The following GCA variants were observed in gnomAD, a reference collection of about 807,000 sequenced individuals.
GCA encodes grancalcin, EF-hand calcium-binding protein.
A neutral mutation model predicts 32.6 loss-of-function variants in GCA; 30 were observed. That is an observed-to-expected ratio of 0.92 (90% CI 0.69 to 1.25). The LOEUF (loss-of-function observed/expected upper bound fraction) is 1.25, where lower values mean the gene tolerates loss of function less well. Ranked by LOEUF, GCA falls within the 50% of genes most tolerant of loss-of-function variation. The pLI is 0.00. For synonymous variants in GCA, 102 were observed against 84.6 expected, an observed-to-expected ratio of 1.21 and a Z score of -1.13; for missense variants, 291 against 266.8, an observed-to-expected ratio of 1.09 and a Z score of -0.63.
rs1685289246 is a variant in GCA at position 162,356,697 on chromosome 2, A to C, written c.307-61A>C. On this transcript the variant is annotated intron_variant, in intron 4 of 7. Transcript: ENST00000437150. ...ACAGAAGCATACTCATGTTTTAGTC[A>C]ATGATTTAGAGTCAGATAAACTCAG... The C allele has an allele frequency of 2.3e-6, 3 of 1,293,048 alleles. No homozygotes were observed. In the South Asian group the frequency reaches 3.8e-5, roughly 16 times the overall value. The allele number at this position is 1,293,048 out of a possible 1,614,324, so 80.1% of individuals were successfully genotyped here.
At chr2:162,335,428 A>AAG (rs1463986830) in intron 1 of GCA, among the ~76,000 whole-genome samples, 1 of 151,816 alleles carries the variant, frequency 6.6e-6, no homozygotes, top group East Asian at 1.9e-4. Context: ...AAAAAAAAAA[A>AAG]AAAAAGGACC....
intron 2 of GCA, among the ~76,000 whole-genome samples, chr2:162,348,893 T>G (rs13383182): frequency 6.6e-6 from 1 of 152,084 alleles, no homozygotes. Flanking sequence ...ATATTCAAGA[T>G]CGGAAGGAAT....
At chr2:162,329,545 T>C (rs557828078) in intron 1 of GCA, among the ~76,000 whole-genome samples, 1 of 151,952 alleles carries the variant, frequency 6.6e-6, no homozygotes, top group East Asian at 1.9e-4. Flanking sequence ...TTGTATTTTA[T>C]GATAAATTAT....
chr2:162,357,904 T>C (rs1685365039), intron 5 of GCA, among the ~76,000 whole-genome samples: 1 of 151,672 alleles, frequency 6.6e-6, no homozygotes, highest in Non-Finnish European at 1.5e-5. Flanking sequence ...ATTCAAATTA[T>C]TTTTCTGAGA....
chr2:162,338,768 G>A (rs1485199192), intron 1 of GCA, among the ~76,000 whole-genome samples: 1 of 152,066 alleles, frequency 6.6e-6, no homozygotes, highest in African/African-American at 2.4e-5. Context: ...TACTGTTGCT[G>A]TTCTTATTCA....
intron 1 of GCA, among the ~76,000 whole-genome samples, chr2:162,345,134 G>GGTGGTGGTT (rs1404529265): frequency 6.7e-6 from 1 of 149,350 alleles, no homozygotes; most frequent in Admixed American, 6.7e-5. Context: ...TGGTGGTGGT[G>GGTGGTGGTT]GTTGTGGTTG....
intron 1 of GCA, among the ~76,000 whole-genome samples, chr2:162,330,731 A>G (rs1044195783): frequency 2.0e-5 from 3 of 152,208 alleles, no homozygotes; most frequent in Non-Finnish European, 4.4e-5. Flanking sequence ...AGAGGTGAGA[A>G]CTAGGGATTA....
intron 4 of GCA, 108 bp downstream of exon 4, chr2:162,356,589 A>G: frequency 1.1e-6 from 1 of 878,824 alleles, no homozygotes; most frequent in South Asian, 1.5e-5. Flanking sequence ...GAATTTAAAA[A>G]TACTTTGTAA....
intron 1 of GCA, among the ~76,000 whole-genome samples, chr2:162,339,111 T>C (rs1684362979): frequency 6.6e-6 from 1 of 152,176 alleles, no homozygotes; most frequent in Non-Finnish European, 1.5e-5. Flanking sequence ...TGGTAAATAA[T>C]ATTTATTTTT....
chr2:162,334,608 T>C (rs1327050773), intron 1 of GCA, among the ~76,000 whole-genome samples: 1 of 152,220 alleles, frequency 6.6e-6, no homozygotes, highest in African/African-American at 2.4e-5. Context: ...TGTGATTCTA[T>C]GGCATCCTGA....
chr2:162,338,244 C>A (rs1684335257), intron 1 of GCA, among the ~76,000 whole-genome samples: 1 of 152,018 alleles, frequency 6.6e-6, no homozygotes, highest in Admixed American at 6.6e-5. Flanking sequence ...TGAAGGGGGG[C>A]ACTCTTATTT....
chr2:162,373,171 C>G (rs1055076474), downstream of GCA, among the ~76,000 whole-genome samples: 2 of 152,090 alleles, frequency 1.3e-5, no homozygotes, highest in African/African-American at 4.8e-5. Flanking sequence ...CAAAGCTCTA[C>G]CACATGTAAA....
downstream of GCA, among the ~76,000 whole-genome samples, chr2:162,364,305 AT>A (rs1329578440): frequency 6.6e-6 from 1 of 151,442 alleles, no homozygotes; most frequent in African/African-American, 2.4e-5. Context: ...TACTTATTAA[AT>A]ATTCATTTTT....
chr2:162,344,032 C>T (rs994238875), upstream of GCA: 1 of 601,166 alleles, frequency 1.7e-6, no homozygotes, highest in Non-Finnish European at 3.0e-6. Context: ...CGGACTGCAG[C>T]TGAGTTGGCT....
chr2:162,319,973 T>C (rs1683605543), intron 1 of GCA, among the ~76,000 whole-genome samples: 1 of 152,194 alleles, frequency 6.6e-6, no homozygotes, highest in East Asian at 1.9e-4. Flanking sequence ...CATGTCTTAT[T>C]TTATTCTCTA....
In GCA at chr2:162,344,162, G is replaced by T. The variant is rs377110441; in HGVS notation, c.-87G>T. On this transcript the variant is annotated 5_prime_UTR_variant, in exon 1 of 8. Transcript: ENST00000437150. Reference sequence around the variant, plus strand: ...GCCTTTCAGCCTCACCTGCAGCTGCGCCTCCTTGCACCTGCGCCTGTGCTT... The same window carrying T: ...GCCTTTCAGCCTCACCTGCAGCTGCTCCTCCTTGCACCTGCGCCTGTGCTT... 2.7e-5 allele frequency: 38 copies of T among 1,416,580 alleles called. No individual in the cohort carries two copies. The highest frequency in any genetic ancestry group is 1.5e-4 in the African/African-American group (11 of 71,202). The allele number at this position is 1,416,580 out of a possible 1,614,324, so 87.8% of individuals were successfully genotyped here. A position where few individuals can be genotyped will look rare whatever the true frequency, so the allele number is the denominator to read the frequency against.
At chr2:162,355,953 C>T (rs11902146) in intron 3 of GCA, among the ~76,000 whole-genome samples, 2,206 of 151,998 alleles carry the variant, frequency 0.015, 55 homozygotes, top group African/African-American at 0.05. Context: ...TTCATTGGCC[C>T]AAACTTTTTG....
intron 1 of GCA, among the ~76,000 whole-genome samples, chr2:162,330,509 C>T (rs1017162858): frequency 1.3e-5 from 2 of 152,142 alleles, no homozygotes; most frequent in African/African-American, 4.8e-5. Context: ...TTGGCCTTGA[C>T]GAATATCTCC....
intron 1 of GCA, among the ~76,000 whole-genome samples, chr2:162,344,845 A>G (rs1684603613): frequency 6.6e-6 from 1 of 152,158 alleles, no homozygotes; most frequent in Non-Finnish European, 1.5e-5. Flanking sequence ...ATAATCGTAG[A>G]GTCCTGGTGG....
Sources: allele counts gnomAD v4.1 joint callset (sites outside exome capture counted in the v4.1 genomes callset), GRCh38; gene constraint gnomAD v4.1.1; transcripts MANE v1.5; gene names NCBI Gene and HGNC (gene_info 2026-07-23, HGNC 2026-07-21).